PLXDC1: variants seen among roughly 807,000 people sequenced by gnomAD.
The protein encoded by PLXDC1 is plexin domain-containing protein 1.
A neutral mutation model predicts 61.3 loss-of-function variants in PLXDC1; 39 were observed. The observed-to-expected ratio is 0.64, with a 90% CI of 0.49 to 0.83. The LOEUF (loss-of-function observed/expected upper bound fraction) is 0.83. Ranked by LOEUF, PLXDC1 falls within the 40% of genes least tolerant of loss-of-function variation. The pLI, the probability that PLXDC1 is intolerant of heterozygous loss-of-function variation, is 0.00. For missense variants in PLXDC1, 596 were observed against 666.5 expected, an observed-to-expected ratio of 0.89 and a Z score of 1.17; for synonymous variants, 212 against 254.5, an observed-to-expected ratio of 0.83 and a Z score of 1.59.
chr17:39,117,342 G>C (rs1458546201), intron 2 of PLXDC1, among the ~76,000 whole-genome samples: 1 of 152,156 alleles, frequency 6.6e-6, no homozygotes, highest in Non-Finnish European at 1.5e-5. Flanking sequence ...CACCAGCTGG[G>C]GGGTAGGATT....
chr17:39,097,150 C>T (rs933184330), intron 7 of PLXDC1, among the ~76,000 whole-genome samples: 11 of 152,230 alleles, frequency 7.2e-5, no homozygotes, highest in Non-Finnish European at 1.0e-4. Flanking sequence ...GAGTTTTCCC[C>T]AGACAGGGTT....
chr17:39,118,970 A>C (rs1388603731), intron 2 of PLXDC1, among the ~76,000 whole-genome samples: 1 of 152,272 alleles, frequency 6.6e-6, no homozygotes, highest in Admixed American at 6.5e-5. Context: ...AGCTGTCTGC[A>C]GAAGACTTCT....
At chr17:39,111,643 C>A (rs1228768930) in intron 2 of PLXDC1, 1 of 152,312 alleles carries the variant, frequency 6.6e-6, no homozygotes, top group Non-Finnish European at 1.5e-5. Flanking sequence ...CCTCCACCCC[C>A]TGCAAGTGGC....
At chr17:39,088,351 T>C (rs913873657) in intron 7 of PLXDC1, among the ~76,000 whole-genome samples, 2 of 152,214 alleles carry the variant, frequency 1.3e-5, no homozygotes, top group African/African-American at 4.8e-5. Context: ...CGAGTCCTAC[T>C]TTGGTCCCTG....
chr17:39,146,070 C>T (rs1250577904), intron 1 of PLXDC1, among the ~76,000 whole-genome samples: 3 of 131,216 alleles, frequency 2.3e-5, no homozygotes, highest in South Asian at 2.4e-4. Context: ...CGGCCCATTC[C>T]TTTTTTTTTT....
intron 2 of PLXDC1, among the ~76,000 whole-genome samples, chr17:39,129,628 G>A (rs1001931369): frequency 1.7e-5 from 2 of 119,208 alleles, no homozygotes; most frequent in African/African-American, 6.8e-5. Context: ...AAGAAAGAAA[G>A]AAAAGAAAGA....
chr17:39,150,760 C>T (rs948813952), intron 1 of PLXDC1, among the ~76,000 whole-genome samples: 3 of 152,136 alleles, frequency 2.0e-5, no homozygotes, highest in Admixed American at 2.0e-4. Context: ...AGGAGGGGGA[C>T]TCTTGAGGCT....
intron 1 of PLXDC1, among the ~76,000 whole-genome samples, chr17:39,144,205 C>T (rs1912023595): frequency 6.6e-6 from 1 of 152,188 alleles, no homozygotes; most frequent in Admixed American, 6.5e-5. Context: ...AGTCTTGCCA[C>T]TCACAAGTTA....
chr17:39,118,080 CCCTCCCTTCCTTCCTT>C (rs1483913716), intron 2 of PLXDC1, among the ~76,000 whole-genome samples: 8 of 90,054 alleles, frequency 8.9e-5, no homozygotes, highest in African/African-American at 3.3e-4. Flanking sequence ...CTCCCTCCCT[CCCTCCCTTCCTTCCTT>C]CCTTCCTTCC....
intron 1 of PLXDC1, among the ~76,000 whole-genome samples, chr17:39,147,460 G>A (rs1028697295): frequency 6.6e-6 from 1 of 152,164 alleles, no homozygotes; most frequent in Non-Finnish European, 1.5e-5. Context: ...CAACACACCA[G>A]TTAGGGTCAC....
intron 7 of PLXDC1, among the ~76,000 whole-genome samples, chr17:39,097,611 G>A (rs904524361): frequency 3.3e-5 from 5 of 152,026 alleles, no homozygotes; most frequent in Admixed American, 6.6e-5. Flanking sequence ...GGCCTTACAC[G>A]GTGGCTCACA....
intron 2 of PLXDC1, among the ~76,000 whole-genome samples, chr17:39,129,752 C>CAAGA (rs1355208652): frequency 1.0e-4 from 5 of 50,048 alleles, no homozygotes; most frequent in African/African-American, 4.4e-4. Context: ...GAAAGAAAAG[C>CAAGA]AAGAAAGAAA....
chr17:39,130,180 C>T (rs147121987), intron 2 of PLXDC1, among the ~76,000 whole-genome samples: 184 of 152,150 alleles, frequency 1.2e-3, no homozygotes, highest in African/African-American at 3.9e-3. Context: ...GGGCCAGGCA[C>T]GGTGGCTCAT....
chr17:39,105,732 T>A, intron 7 of PLXDC1, 122 bp downstream of exon 7: 1 of 633,886 alleles, frequency 1.6e-6, no homozygotes, highest in Non-Finnish European at 2.8e-6. Context: ...CCTGCCTGGT[T>A]TCCCTCTCAA....
chr17:39,107,594 A>G (rs976717541), intron 5 of PLXDC1, 69 bp from the exon 6 acceptor site: 1 of 1,157,550 alleles, frequency 8.6e-7, no homozygotes, highest in Admixed American at 1.7e-5. Context: ...CAGAAATGCC[A>G]GTCGGAGGGC....
At chr17:39,096,835 T>C (rs1175766726) in intron 7 of PLXDC1, 1 of 452,536 alleles carries the variant, frequency 2.2e-6, no homozygotes, top group African/African-American at 2.0e-5. Flanking sequence ...GAGGAAATAA[T>C]ATTGACTTCC....
At position 39,145,288 on chromosome 17, in the gene PLXDC1, C is replaced by T. The variant is rs16506; in HGVS notation, c.77-5456G>A. ...CATGCAGGGTACAGCCCAGCAGTAG[C>T]GTCCCAGTCCCCTCAGCTGGCACTG... On this transcript the variant is annotated intron_variant, in intron 1 of 13. Transcript: ENST00000315392. Among the ~76,000 whole-genome samples, 184 of 152,244 alleles carry T rather than the reference C, an allele frequency of 1.2e-3. 1 individual carries two copies. The highest frequency in any genetic ancestry group is 9.9e-3 in the Admixed American group (152 of 15,290).
intron 7 of PLXDC1, 126 bp downstream of exon 7, chr17:39,105,728 T>C (rs3744351): frequency 0.37 from 231,561 of 633,404 alleles, 44,740 homozygotes; most frequent in Non-Finnish European, 0.41. Flanking sequence ...CTTTCCTGCC[T>C]GGTTTCCCTC....
At chr17:39,140,306 T>C (rs1458620654) in intron 1 of PLXDC1, among the ~76,000 whole-genome samples, 2 of 149,162 alleles carry the variant, frequency 1.3e-5, no homozygotes, top group African/African-American at 5.0e-5. Flanking sequence ...TTCAATTTCT[T>C]TTTCTTTTTC....
Sources: gnomAD v4.1 joint callset for allele counts (sites outside exome capture counted in the v4.1 genomes callset) on GRCh38, gnomAD v4.1.1 for gene constraint, MANE v1.5 for transcripts, NCBI Gene and HGNC (gene_info 2026-07-23, HGNC 2026-07-21) for gene names.